Variants in TUBGCP3 observed in about 807,000 individuals in gnomAD.
TUBGCP3 encodes the protein tubulin gamma complex component 3, also known as gamma-tubulin complex component 3.
TUBGCP3 carries 50 observed loss-of-function variants against 123.1 expected under a neutral mutation model. The ratio of observed to expected loss-of-function variants is 0.41; its 90% CI spans 0.32 to 0.51. TUBGCP3 has a LOEUF of 0.51. Ranked by LOEUF, TUBGCP3 falls within the 20% of genes least tolerant of loss-of-function variation. The pLI is 0.36. For synonymous variants in TUBGCP3, 405 were observed against 413.9 expected (o/e 0.98, Z 0.26); for missense variants, 882 against 1,127.0 (o/e 0.78, Z 3.11).
intron 17 of TUBGCP3, among the ~76,000 whole-genome samples, chr13:112,513,950 T>C (rs1014804463): frequency 1.3e-5 from 2 of 152,196 alleles, no homozygotes; most frequent in African/African-American, 4.8e-5. Context: ...CACACCATCC[T>C]GCTCCAACCT....
intron 1 of TUBGCP3, among the ~76,000 whole-genome samples, chr13:112,586,409 T>A (rs1334303004): frequency 6.6e-6 from 1 of 152,080 alleles, no homozygotes; most frequent in Non-Finnish European, 1.5e-5. Flanking sequence ...GGTGGGTAAG[T>A]CCTAACAATC....
In TUBGCP3 at chr13:112,511,110, T is replaced by G. The variant is rs1186921754; in HGVS notation, c.2086+5330A>C. On this transcript the variant is annotated intron_variant, in intron 17 of 21. Coordinates refer to ENST00000261965, the MANE Select transcript of TUBGCP3 (RefSeq NM_006322.6). The surrounding 1 kb of genome is among the most constrained non-coding windows in gnomAD (Gnocchi z 4.1). ...TTATCATTCACTGAGTCTAAGACAC[T>G]GTCATTTGTAAGATGAATCGTTATT... Among the ~76,000 whole-genome samples, 1 of 152,184 alleles carries G rather than the reference T, an allele frequency of 6.6e-6. No homozygotes were observed. The highest frequency in any genetic ancestry group is 2.4e-5 in the African/African-American group (1 of 41,438).
the TUBGCP3 span, among the ~76,000 whole-genome samples, chr13:112,598,912 C>G: frequency 6.9e-6 from 1 of 144,936 alleles, no homozygotes; most frequent in Admixed American, 7.1e-5. Flanking sequence ...CACCACTGCA[C>G]TCTAGCCTGG....
the TUBGCP3 span, among the ~76,000 whole-genome samples, chr13:112,593,991 T>C: frequency 7.0e-4 from 107 of 151,952 alleles, 1 homozygote; most frequent in South Asian, 0.019. Context: ...CAACAATGAA[T>C]AGAAAATTTG....
At chr13:112,515,231 AT>A (rs780357845) in intron 17 of TUBGCP3, among the ~76,000 whole-genome samples, 11 of 152,174 alleles carry the variant, frequency 7.2e-5, no homozygotes, top group Non-Finnish European at 1.2e-4. Context: ...ACCAGCCCAT[AT>A]TTCAAGTTGA....
Position 112,518,995 on chromosome 13 carries a change from C to T in TUBGCP3, c.1930G>A (p.Val644Ile). ...CTTACAGTTGCAATTGGTCCGTCAA[C>T]ATGATAATCGAGGCTGAAGACATCC... Reference protein sequence around the residue: ...GWDVFSLDYHVDGPIATVFTR... With the variant: ...GWDVFSLDYHIDGPIATVFTR... The change falls in exon 16 of 22, where the codon GTT (valine) becomes ATT (isoleucine). Residue 644 changes from valine to isoleucine, a missense_variant. Transcript: ENST00000261965. The T allele has an allele frequency of 6.2e-7, 1 of 1,614,006 alleles. No homozygotes were observed. The highest frequency in any genetic ancestry group is 8.5e-7 in the Non-Finnish European group (1 of 1,179,852).
At position 112,485,850 on chromosome 13, in the gene TUBGCP3, C is replaced by T. The variant is rs186586964; in HGVS notation, c.*143G>A. The T allele has an allele frequency of 1.1e-4, 88 of 823,396 alleles. No individual in the cohort carries two copies. Among genetic ancestry groups the T allele is most frequent in the Admixed American group, 5.7e-4 (19 of 33,082 alleles). The allele number at this position is 823,396 out of a possible 1,614,324, so 51.0% of individuals were successfully genotyped here. On this transcript the variant is annotated 3_prime_UTR_variant, in exon 22 of 22. Coordinates refer to ENST00000261965, the MANE Select transcript of TUBGCP3 (RefSeq NM_006322.6). ...GAAACACGACGTGGCTTCTCCCACACGCCGCTCCGCTGAAACATGGCGCAC... is the reference window on the plus strand; with the variant it reads ...GAAACACGACGTGGCTTCTCCCACATGCCGCTCCGCTGAAACATGGCGCAC...
At chr13:112,603,022 A>G in the TUBGCP3 span, 1 of 152,238 alleles carries the variant, frequency 6.6e-6, no homozygotes, top group Admixed American at 6.5e-5. Flanking sequence ...GCACAGAAAG[A>G]GCTTGAGGCC....
At chr13:112,489,950 T>C (rs192010228) in intron 20 of TUBGCP3, 4 of 517,252 alleles carry the variant, frequency 7.7e-6, no homozygotes, top group Admixed American at 3.4e-5. Context: ...TATCACATTG[T>C]ATAACATGTA....
intron 17 of TUBGCP3, among the ~76,000 whole-genome samples, chr13:112,510,041 G>A (rs1020798194): frequency 6.6e-6 from 1 of 152,126 alleles, no homozygotes; most frequent in Admixed American, 6.5e-5. Context: ...AGCAACATTG[G>A]CAATAAGGTC....
chr13:112,579,707 C>A (rs1882146870), intron 1 of TUBGCP3, among the ~76,000 whole-genome samples: 1 of 152,158 alleles, frequency 6.6e-6, no homozygotes, highest in African/African-American at 2.4e-5. Flanking sequence ...GGAGCCATGG[C>A]ATCCCTGGAG....
At chr13:112,492,802 T>C (rs1880198767) in intron 20 of TUBGCP3, among the ~76,000 whole-genome samples, 1 of 151,432 alleles carries the variant, frequency 6.6e-6, no homozygotes, top group Non-Finnish European at 1.5e-5. Context: ...CATGGCCTGG[T>C]GTGCCTGAGA....
intron 11 of TUBGCP3, among the ~76,000 whole-genome samples, chr13:112,542,410 G>C (rs1878595670): frequency 6.6e-6 from 1 of 152,112 alleles, no homozygotes; most frequent in Non-Finnish European, 1.5e-5. Context: ...TCTATCAAAG[G>C]AAACGCCCAT....
At position 112,522,983 on chromosome 13, in the gene TUBGCP3, T is replaced by C. The variant is rs1282640422; in HGVS notation, c.1556-474A>G. Among the ~76,000 whole-genome samples, 4 of 152,188 alleles carry C rather than the reference T, an allele frequency of 2.6e-5. No individual in the cohort carries two copies. In the East Asian group the frequency reaches 7.7e-4, roughly 29 times the overall value. On this transcript the variant is annotated intron_variant, in intron 13 of 21. Transcript: ENST00000261965. ...CTCTACGGAGATTGGTGGAGATGTC[T>C]AGGGGACAAAACCAGATTGTCACCA...
chr13:112,510,852 T>G (rs1330652717), intron 17 of TUBGCP3, among the ~76,000 whole-genome samples: 2 of 152,202 alleles, frequency 1.3e-5, no homozygotes, highest in Non-Finnish European at 2.9e-5. Flanking sequence ...ACCTCCAATC[T>G]GTATTTGTAT....
intron 11 of TUBGCP3, among the ~76,000 whole-genome samples, chr13:112,531,316 G>C (rs1026233841): frequency 6.6e-6 from 1 of 152,172 alleles, no homozygotes; most frequent in Non-Finnish European, 1.5e-5. Flanking sequence ...AGCATTCACT[G>C]ATCTATTTTA....
chr13:112,496,536 T>C (rs1304280511), intron 20 of TUBGCP3, among the ~76,000 whole-genome samples: 1 of 152,258 alleles, frequency 6.6e-6, no homozygotes, highest in Non-Finnish European at 1.5e-5. Context: ...TTAGCTTTTG[T>C]GTCTCTTCCT....
chr13:112,599,775 T>C, the TUBGCP3 span, among the ~76,000 whole-genome samples: 4 of 152,194 alleles, frequency 2.6e-5, no homozygotes, highest in South Asian at 2.1e-4. Context: ...TGCCTTGGCC[T>C]CCCAAAGTGC....
rs557855178 is a variant in TUBGCP3 at position 112,544,192 on chromosome 13, G to A, written c.1335+1507C>T. Among the ~76,000 whole-genome samples, 23 of 151,984 alleles carry A rather than the reference G, an allele frequency of 1.5e-4. No homozygotes were observed. In the East Asian group the frequency reaches 1.8e-3, roughly 12 times the overall value. ...CCACAGGCCGGGCGCAGTGGCTCACGCCTGTAATCCCAGCACTTTGGGAGG... is the reference window on the plus strand; with the variant it reads ...CCACAGGCCGGGCGCAGTGGCTCACACCTGTAATCCCAGCACTTTGGGAGG... On this transcript the variant is annotated intron_variant, in intron 11 of 21. Coordinates refer to ENST00000261965, the MANE Select transcript of TUBGCP3 (RefSeq NM_006322.6).
Sources: gnomAD v4.1 joint callset for allele counts (sites outside exome capture counted in the v4.1 genomes callset) on GRCh38, gnomAD v4.1.1 for gene constraint, Gnocchi (gnomAD v3.1) non-coding constraint, MANE v1.5 for transcripts, NCBI Gene and HGNC (gene_info 2026-07-23, HGNC 2026-07-21) for gene names.